The following ERG variants were observed in gnomAD, a reference collection of about 807,000 sequenced individuals.
ERG encodes the protein ETS transcription factor ERG.
A neutral mutation model predicts 55.3 loss-of-function variants in ERG; 9 were observed. The ratio of observed to expected loss-of-function variants is 0.16; its 90% CI spans 0.10 to 0.28. The LOEUF (loss-of-function observed/expected upper bound fraction) is 0.28. Ranked by LOEUF, ERG falls within the 10% of genes least tolerant of loss-of-function variation. The pLI, the probability that ERG is intolerant of heterozygous loss-of-function variation, is 1.00. For synonymous variants in ERG, 223 were observed against 237.3 expected, an observed-to-expected ratio of 0.94 and a Z score of 0.55; for missense variants, 434 against 631.6, an observed-to-expected ratio of 0.69 and a Z score of 3.35.
At chr21:38,450,321 T>C (rs569484707) in intron 1 of ERG, among the ~76,000 whole-genome samples, 54 of 152,074 alleles carry the variant, frequency 3.6e-4, no homozygotes, top group African/African-American at 1.3e-3. Flanking sequence ...GAGGTTGCAG[T>C]GAGCCGGGAT....
At chr21:38,411,952 T>C (rs1255879361) in intron 3 of ERG, among the ~76,000 whole-genome samples, 1 of 152,248 alleles carries the variant, frequency 6.6e-6, no homozygotes, top group African/African-American at 2.4e-5. Flanking sequence ...TGACCCTCAA[T>C]TATCTCCAGT....
chr21:38,535,473 G>C (rs1169456728), intron 2 of ERG, among the ~76,000 whole-genome samples: 1 of 152,122 alleles, frequency 6.6e-6, no homozygotes, highest in African/African-American at 2.4e-5. Flanking sequence ...AGATTTTATA[G>C]CACCTATCAC....
At chr21:38,639,729 T>A (rs2060412044) in intron 1 of ERG, among the ~76,000 whole-genome samples, 1 of 152,136 alleles carries the variant, frequency 6.6e-6, no homozygotes, top group African/African-American at 2.4e-5. Flanking sequence ...ATAACAACAA[T>A]AAGAGCTGGT....
chr21:38,431,936 T>C (rs944714229), intron 2 of ERG, among the ~76,000 whole-genome samples: 2 of 152,012 alleles, frequency 1.3e-5, no homozygotes, highest in African/African-American at 4.8e-5. Flanking sequence ...GTCCCCAGCC[T>C]CTCCTCCTTA....
chr21:38,573,370 A>ACTGT (rs1555864704), intron 2 of ERG, among the ~76,000 whole-genome samples: 3 of 152,240 alleles, frequency 2.0e-5, no homozygotes, highest in African/African-American at 7.2e-5. Flanking sequence ...GAGGAAGGCC[A>ACTGT]CTGTCTCCTG....
intron 1 of ERG, among the ~76,000 whole-genome samples, chr21:38,449,517 A>G (rs1332676216): frequency 6.6e-6 from 1 of 152,216 alleles, no homozygotes; most frequent in Admixed American, 6.5e-5. Flanking sequence ...CCACCAGGTT[A>G]TATTTCATAT....
In ERG at chr21:38,580,233, G is replaced by A. The variant is rs534751079; in HGVS notation, c.-126-4486C>T. Among the ~76,000 whole-genome samples the A allele has an allele frequency of 4.6e-5, 7 of 152,304 alleles. No individual in the cohort carries two copies. The East Asian group carries it at 5.8e-4, about 13-fold the overall frequency. ...CTCCCAAAGTGCTGGGATTACAGGC[G>A]TGAGCCACCACACCTGGCCCTCTCT... is the stretch of plus-strand genomic sequence containing the variant. On this transcript the variant is annotated intron_variant, in intron 1 of 8. Coordinates refer to the ERG transcript ENST00000398897.
At chr21:38,408,132 G>GAAAAC (rs1988860134) in intron 3 of ERG, among the ~76,000 whole-genome samples, 1 of 152,240 alleles carries the variant, frequency 6.6e-6, no homozygotes, top group African/African-American at 2.4e-5. Context: ...AAACAATGGT[G>GAAAAC]AAAACAAAAC....
At chr21:38,496,966 G>C (rs905317309) in intron 1 of ERG, among the ~76,000 whole-genome samples, 20 of 152,158 alleles carry the variant, frequency 1.3e-4, no homozygotes, top group African/African-American at 4.6e-4. Context: ...ATAACATTTT[G>C]GGTCACAAAA....
At chr21:38,520,681 T>C (rs1359761799) in intron 2 of ERG, among the ~76,000 whole-genome samples, 1 of 152,184 alleles carries the variant, frequency 6.6e-6, no homozygotes, top group Non-Finnish European at 1.5e-5. Flanking sequence ...GGGTGACTCA[T>C]TCCAGGAGTT....
In ERG at chr21:38,607,875, G is replaced by A. The variant is rs147495843; in HGVS notation, c.-149-22930C>T. ...GAGCAGAGTCAGAGGGCCTTGGATC[G>A]TTTGGAAAGTGGGTAGAAACAATGC... On this transcript the variant is annotated intron_variant, in intron 1 of 10. Coordinates refer to the ERG transcript ENST00000398910. 2.1e-4 allele frequency among the ~76,000 whole-genome samples: 32 copies of A among 150,486 alleles called. No individual in the cohort carries two copies. The East Asian group carries it at 3.3e-3, about 15-fold the overall frequency.
intron 2 of ERG, among the ~76,000 whole-genome samples, chr21:38,544,849 T>C (rs528582035): frequency 6.6e-6 from 1 of 152,176 alleles, no homozygotes; most frequent in South Asian, 2.1e-4. Flanking sequence ...CTTTGACTCA[T>C]CCTATTTTCC....
chr21:38,512,237 G>T (rs543259742), intron 2 of ERG, among the ~76,000 whole-genome samples: 1 of 152,144 alleles, frequency 6.6e-6, no homozygotes, highest in African/African-American at 2.4e-5. Context: ...ACAGATTAAA[G>T]AAAATAAAAA....
At chr21:38,499,672 C>T (rs1007495775), upstream of ERG, among the ~76,000 whole-genome samples, 2 of 151,344 alleles carry the variant, frequency 1.3e-5, no homozygotes, top group Admixed American at 6.6e-5. Context: ...TTATATACCT[C>T]TGATTTATCA....
intron 2 of ERG, among the ~76,000 whole-genome samples, chr21:38,508,071 G>GTGAAAA (rs1568866706): frequency 2.7e-3 from 2 of 744 alleles, no homozygotes; most frequent in African/African-American, 0.014. Context: ...ATACACACAT[G>GTGAAAA]CACACACATA....
At chr21:38,461,118 G>A (rs779449146) in intron 1 of ERG, among the ~76,000 whole-genome samples, 1 of 152,186 alleles carries the variant, frequency 6.6e-6, no homozygotes, top group Non-Finnish European at 1.5e-5. Flanking sequence ...CACGGACTGA[G>A]GGGCTTAAGC....
chr21:38,610,509 C>G (rs915085759), intron 1 of ERG, among the ~76,000 whole-genome samples: 11 of 146,144 alleles, frequency 7.5e-5, no homozygotes, highest in Admixed American at 3.4e-4. Flanking sequence ...TACTAGTAGT[C>G]CACGTGCGCG....
intron 2 of ERG, among the ~76,000 whole-genome samples, chr21:38,572,330 T>C (rs1179289891): frequency 2.1e-5 from 3 of 140,494 alleles, no homozygotes; most frequent in Non-Finnish European, 3.0e-5. Context: ...ATCGCGCCAC[T>C]GCACTCCAGC....
intron 2 of ERG, among the ~76,000 whole-genome samples, chr21:38,562,221 AC>A (rs1411676427): frequency 6.6e-6 from 1 of 152,212 alleles, no homozygotes; most frequent in Non-Finnish European, 1.5e-5. Context: ...ATATATATAC[AC>A]ATGCATACAT....
Sources: gnomAD v4.1 joint callset for allele counts (sites outside exome capture counted in the v4.1 genomes callset) on GRCh38, gnomAD v4.1.1 for gene constraint, MANE v1.5 for transcripts, NCBI Gene and HGNC (gene_info 2026-07-23, HGNC 2026-07-21) for gene names.